Variants in USP13 observed in about 807,000 individuals in gnomAD.
The protein encoded by USP13 is ubiquitin carboxyl-terminal hydrolase 13.
In USP13, 68 loss-of-function variants were observed where a neutral mutation model predicts 107.8. The observed-to-expected ratio is 0.63, with a 90% CI of 0.52 to 0.77. The LOEUF (loss-of-function observed/expected upper bound fraction) is 0.77. Among genes scored for constraint, USP13 ranks in the 30% least tolerant of loss-of-function variants. The pLI, the probability that USP13 is intolerant of heterozygous loss-of-function variation, is 0.00. For missense variants in USP13, 945 were observed against 1,093.3 expected, an observed-to-expected ratio of 0.86 and a Z score of 1.91; for synonymous variants, 377 against 389.5, an observed-to-expected ratio of 0.97 and a Z score of 0.38.
At chr3:179,769,716 G>A (rs1445778407) in intron 19 of USP13, among the ~76,000 whole-genome samples, 1 of 152,086 alleles carries the variant, frequency 6.6e-6, no homozygotes, top group African/African-American at 2.4e-5. Context: ...GCCAAATAAT[G>A]AGTTTCTTAA....
intron 5 of USP13, 64 bp downstream of exon 5, chr3:179,707,140 C>T (rs1299129393): frequency 1.3e-6 from 2 of 1,518,800 alleles, no homozygotes; most frequent in Non-Finnish European, 1.8e-6. Context: ...TATTTGTTTT[C>T]TACTTCTTTT....
intron 2 of USP13, among the ~76,000 whole-genome samples, chr3:179,689,993 G>C (rs1191387101): frequency 1.3e-5 from 2 of 152,084 alleles, no homozygotes; most frequent in Admixed American, 6.6e-5. Context: ...CTTGATCCCT[G>C]GTTTCCATTT....
Position 179,730,249 on chromosome 3 carries a change from C to A in USP13, c.1149C>A (p.Phe383Leu). ...CGCCTTTAGATCCAACACAAGATTTCAACACACAGATGTAAGTGCCAGATT... is the reference window on the plus strand; with the variant it reads ...CGCCTTTAGATCCAACACAAGATTTAAACACACAGATGTAAGTGCCAGATT... ...DYSPLDPTQDFNTQMTKLGHG... is the reference protein window; with the variant it reads ...DYSPLDPTQDLNTQMTKLGHG... Residue 383 changes from phenylalanine to leucine, a missense_variant, in exon 9 of 21, where the codon TTC becomes TTA. By Grantham distance (22) the Phe-to-Leu change is conservative. Coordinates refer to ENST00000263966, the MANE Select transcript of USP13 (RefSeq NM_003940.3). The A allele has an allele frequency of 6.2e-7, 1 of 1,610,062 alleles. No homozygotes were observed. The highest frequency in any genetic ancestry group is 8.5e-7 in the Non-Finnish European group (1 of 1,179,272).
At chr3:179,746,455 G>A (rs1241068608) in intron 13 of USP13, among the ~76,000 whole-genome samples, 5 of 150,688 alleles carry the variant, frequency 3.3e-5, no homozygotes, top group Non-Finnish European at 5.9e-5. Flanking sequence ...TTTTTGAGAC[G>A]GAGTTTTGCT....
intron 2 of USP13, among the ~76,000 whole-genome samples, chr3:179,685,646 A>G (rs1711844137): frequency 6.6e-6 from 1 of 151,882 alleles, no homozygotes; most frequent in Non-Finnish European, 1.5e-5. Flanking sequence ...AAAAAAAAAA[A>G]AGAAAGAAAC....
At chr3:179,725,235 TA>T (rs1245511258) in intron 8 of USP13, among the ~76,000 whole-genome samples, 4 of 152,178 alleles carry the variant, frequency 2.6e-5, no homozygotes, top group Non-Finnish European at 5.9e-5. Context: ...TTATTCTCTT[TA>T]CTCTTCTATC....
intron 6 of USP13, among the ~76,000 whole-genome samples, chr3:179,715,642 C>A (rs368062979): frequency 2.0e-5 from 3 of 151,974 alleles, no homozygotes; most frequent in African/African-American, 4.8e-5. Context: ...AGATTACATG[C>A]GTGAGCCACT....
chr3:179,742,871 G>A lies in USP13; in HGVS notation c.1534+521G>A, dbSNP rs992537496. Among the ~76,000 whole-genome samples, 5 of 152,160 alleles carry A rather than the reference G, an allele frequency of 3.3e-5. No homozygotes were observed. Among genetic ancestry groups the A allele is most frequent in the African/African-American group, 9.7e-5 (4 of 41,434 alleles). The stretch of plus-strand genomic sequence containing the variant: ...CCATTAGAAGGGTCTCTGGGCTTTG[G>A]AAGAGAGAAGGAGGCAGAGATGTGG... On this transcript the variant is annotated intron_variant, in intron 12 of 20. Transcript: ENST00000263966. This position sits in a 1 kb window ranked among gnomAD's most constrained non-coding sequence, Gnocchi z 5.0.
intron 1 of USP13, among the ~76,000 whole-genome samples, chr3:179,654,611 T>A (rs146528744): frequency 1.7e-3 from 258 of 152,326 alleles, no homozygotes; most frequent in African/African-American, 6.0e-3. Flanking sequence ...ACTTTAGATC[T>A]CATATGTCAC....
chr3:179,671,112 G>C (rs1720739659), intron 1 of USP13, among the ~76,000 whole-genome samples: 1 of 152,102 alleles, frequency 6.6e-6, no homozygotes, highest in African/African-American at 2.4e-5. Context: ...AATTAACCAG[G>C]TGTGGTGGTG....
intron 6 of USP13, among the ~76,000 whole-genome samples, chr3:179,711,362 C>G (rs552159487): frequency 6.6e-6 from 1 of 151,880 alleles, no homozygotes; most frequent in African/African-American, 2.4e-5. Flanking sequence ...GGGAGGTGCC[C>G]CAACCACGCC....
In USP13 at chr3:179,653,196, G is replaced by T; in HGVS notation, c.-30G>T. ...GACCCCGCGCTCCGGCTCCGGCTCG[G>T]CTCGCTCGGCTCCGGTGCGCGCCGA... On this transcript the variant is annotated 5_prime_UTR_variant, in exon 1 of 21. Coordinates refer to ENST00000263966, the MANE Select transcript of USP13 (RefSeq NM_003940.3). This position sits in a 1 kb window ranked among gnomAD's most constrained non-coding sequence, Gnocchi z 4.0. 2 of 1,336,866 alleles carry T rather than the reference G, an allele frequency of 1.5e-6. No homozygotes were observed. The highest frequency in any genetic ancestry group is 1.5e-5 in the African/African-American group (1 of 65,908). The allele number at this position is 1,336,866 out of a possible 1,614,324, so 82.8% of individuals were successfully genotyped here. A position where few individuals can be genotyped will look rare whatever the true frequency, so the allele number is the denominator to read the frequency against.
Position 179,653,158 on chromosome 3 carries a change from G to C in USP13, c.-68G>C, listed in dbSNP as rs1190989737. 1.2e-5 allele frequency: 13 copies of C among 1,081,124 alleles called. No individual in the cohort carries two copies. The highest frequency in any genetic ancestry group is 5.6e-6 in the Non-Finnish European group (5 of 891,762). 67.0% of individuals were successfully genotyped at this position (1,081,124 alleles called of 1,614,324 possible). A position where few individuals can be genotyped will look rare whatever the true frequency, so the allele number is the denominator to read the frequency against. On this transcript the variant is annotated 5_prime_UTR_variant, in exon 1 of 21. Transcript: ENST00000263966. The surrounding 1 kb of genome is among the most constrained non-coding windows in gnomAD (Gnocchi z 4.0). ...GCCCGTCAGCCCGCTCGCTGGCGCC[G>C]CCGCCGCCGGCAGACCCCGCGCTCC...
intron 8 of USP13, among the ~76,000 whole-genome samples, chr3:179,728,690 C>A (rs1713668912): frequency 6.6e-6 from 1 of 152,178 alleles, no homozygotes; most frequent in African/African-American, 2.4e-5. Context: ...AGCCTGGGCA[C>A]CATTGAGCAC....
chr3:179,772,572 A>G (rs555534057), intron 19 of USP13, among the ~76,000 whole-genome samples: 1 of 152,228 alleles, frequency 6.6e-6, no homozygotes, highest in East Asian at 1.9e-4. Flanking sequence ...TCCCCAGGGA[A>G]GCTAAGCCCC....
At chr3:179,773,496 T>C (rs1168602446) in intron 19 of USP13, among the ~76,000 whole-genome samples, 1 of 152,248 alleles carries the variant, frequency 6.6e-6, no homozygotes, top group Non-Finnish European at 1.5e-5. Flanking sequence ...CTTATAAAAT[T>C]AAATTCATTT....
Position 179,653,126 on chromosome 3 carries a change from GCAGCCCGCCCGT to G in USP13, c.-91_-80del, listed in dbSNP as rs1204158588. The G allele has an allele frequency of 4.1e-6, 4 of 970,454 alleles. No homozygotes were observed. Among genetic ancestry groups the G allele is most frequent in the Non-Finnish European group, 4.9e-6 (4 of 815,980 alleles). 60.1% of individuals were successfully genotyped at this position (970,454 alleles called of 1,614,324 possible). On this transcript the variant is annotated 5_prime_UTR_variant, in exon 1 of 21. Transcript: ENST00000263966. The surrounding 1 kb of genome is among the most constrained non-coding windows in gnomAD (Gnocchi z 4.0). ...GGCTCGGCCGGCTGCCGTTGCCCGC[GCAGCCCGCCCGT>G]CAGCCCGCTCGCTGGCGCCGCCGCC...
chr3:179,740,152 A>G (rs1463585478), intron 10 of USP13, 95 bp from the exon 11 acceptor site: 13 of 1,542,212 alleles, frequency 8.4e-6, no homozygotes, highest in African/African-American at 1.4e-5. Context: ...TCTCATCTGG[A>G]AAGTGGAGTT....
At chr3:179,747,437 C>T (rs1292337589) in intron 13 of USP13, among the ~76,000 whole-genome samples, 4 of 152,108 alleles carry the variant, frequency 2.6e-5, no homozygotes, top group African/African-American at 9.7e-5. Flanking sequence ...TGTGAGCTGC[C>T]GACTGGGGTA....
Sources: gnomAD v4.1 joint callset for allele counts (sites outside exome capture counted in the v4.1 genomes callset) on GRCh38, gnomAD v4.1.1 for gene constraint, Gnocchi (gnomAD v3.1) non-coding constraint, MANE v1.5 for transcripts, NCBI Gene and HGNC (gene_info 2026-07-23, HGNC 2026-07-21) for gene names.